Variants in LRRC28 observed in about 807,000 individuals in gnomAD.
The protein encoded by LRRC28 is leucine rich repeat containing 28, also known as leucine-rich repeat-containing protein 28.
A neutral mutation model predicts 45.7 loss-of-function variants in LRRC28; 39 were observed. The observed-to-expected ratio is 0.85, with a 90% confidence interval of 0.66 to 1.12. The LOEUF (loss-of-function observed/expected upper bound fraction) is 1.12, where lower values mean the gene tolerates loss of function less well. LRRC28 is among the 50% of genes most tolerant of loss of function. The pLI, the probability that LRRC28 is intolerant of heterozygous loss-of-function variation, is 0.00. For synonymous variants in LRRC28, 206 were observed against 178.8 expected (o/e 1.15, Z -1.22); for missense variants, 435 against 438.5 (o/e 0.99, Z 0.07).
At chr15:99,278,007 C>T (rs1365221641) in intron 3 of LRRC28, among the ~76,000 whole-genome samples, 2 of 151,996 alleles carry the variant, frequency 1.3e-5, no homozygotes, top group Admixed American at 6.6e-5. Flanking sequence ...TTGATTTTTG[C>T]GTGTTAACTT....
chr15:99,375,748 A>G (rs62025365), intron 9 of LRRC28, among the ~76,000 whole-genome samples: 23,526 of 152,092 alleles, frequency 0.15, 1,867 homozygotes, highest in African/African-American at 0.17. Context: ...CAGATTTATT[A>G]GTATAAAGTT....
intron 2 of LRRC28, among the ~76,000 whole-genome samples, chr15:99,263,210 TG>T (rs1449376502): frequency 2.7e-5 from 4 of 147,518 alleles, no homozygotes; most frequent in Non-Finnish European, 6.0e-5. Flanking sequence ...CCCAGCTACT[TG>T]GGGGGTCTGA....
At chr15:99,349,654 G>A (rs1956807843) in intron 6 of LRRC28, among the ~76,000 whole-genome samples, 1 of 152,108 alleles carries the variant, frequency 6.6e-6, no homozygotes, top group Admixed American at 6.5e-5. Flanking sequence ...CTGACAAACT[G>A]AGAGAAAGTA....
chr15:99,282,781 C>T (rs2081842267), intron 3 of LRRC28, among the ~76,000 whole-genome samples: 1 of 152,186 alleles, frequency 6.6e-6, no homozygotes, highest in Non-Finnish European at 1.5e-5. Context: ...CATTAAGTGG[C>T]ATGTGACTGT....
intron 6 of LRRC28, among the ~76,000 whole-genome samples, chr15:99,351,043 G>A (rs923743104): frequency 4.6e-5 from 7 of 152,052 alleles, no homozygotes; most frequent in Non-Finnish European, 7.4e-5. Context: ...CTAGCAATCC[G>A]CCTGTCTTGG....
chr15:99,284,157 T>C (rs1401762763), intron 3 of LRRC28, among the ~76,000 whole-genome samples: 1 of 152,252 alleles, frequency 6.6e-6, no homozygotes, highest in African/African-American at 2.4e-5. Context: ...TAATGGTTCT[T>C]AATCGGTTGT....
Position 99,328,805 on chromosome 15 carries a change from T to C in LRRC28, c.386-5118T>C, listed in dbSNP as rs143165877. ...ATTAAAATTCCAGGTTTGACATCCT[T>C]TGGGCTCCAGGATTTACACCAGCAG... On this transcript the variant is annotated intron_variant, in intron 5 of 9. Transcript: ENST00000301981. 3.2e-3 allele frequency among the ~76,000 whole-genome samples: 482 copies of C among 151,216 alleles called. 2 individuals carry two copies. Among genetic ancestry groups the C allele is most frequent in the African/African-American group, 0.011 (453 of 41,078 alleles).
chr15:99,366,517 A>G lies in LRRC28; in HGVS notation c.1031+3252A>G, dbSNP rs113289136. On this transcript the variant is annotated intron_variant, in intron 9 of 9. Coordinates refer to ENST00000301981, the MANE Select transcript of LRRC28 (RefSeq NM_144598.5). ...AGAAATTATTTTCCCATAGTTCTGG[A>G]GGAAAGAAGTCTGAAATCAAGGGGT... 3.9e-5 allele frequency among the ~76,000 whole-genome samples: 6 copies of G among 152,294 alleles called. 1 individual carries two copies. The highest frequency in any genetic ancestry group is 1.2e-4 in the African/African-American group (5 of 41,558).
intron 2 of LRRC28, chr15:99,258,744 C>T (rs1343460695): frequency 2.9e-6 from 2 of 699,582 alleles, no homozygotes; most frequent in Non-Finnish European, 5.5e-6. Context: ...CACTTTACTG[C>T]TGAAGGAGAA....
At chr15:99,352,815 T>A (rs766420718) in intron 7 of LRRC28, among the ~76,000 whole-genome samples, 4 of 152,232 alleles carry the variant, frequency 2.6e-5, no homozygotes, top group Non-Finnish European at 5.9e-5. Flanking sequence ...CATACCGTTA[T>A]AAACTCAGTG....
chr15:99,259,316 C>A, intron 2 of LRRC28: 1 of 1,271,286 alleles, frequency 7.9e-7, no homozygotes, highest in Non-Finnish European at 1.2e-6. Context: ...AGTTATTTAC[C>A]TCACAGAACC....
At position 99,322,683 on chromosome 15, in the gene LRRC28, G is replaced by A. The variant is rs192067834; in HGVS notation, c.386-11240G>A. Among the ~76,000 whole-genome samples, 141 of 152,182 alleles carry A rather than the reference G, an allele frequency of 9.3e-4. 2 individuals carry two copies. Among genetic ancestry groups the A allele is most frequent in the Admixed American group, 2.6e-3 (39 of 15,262 alleles). On this transcript the variant is annotated intron_variant, in intron 5 of 9. Coordinates refer to ENST00000301981, the MANE Select transcript of LRRC28 (RefSeq NM_144598.5). ...AAATTATCTTCAGACCCCCATTAGG[G>A]TCCAGATACCATTTTACAGCATATT...
At position 99,361,432 on chromosome 15, in the gene LRRC28, G is replaced by A. The variant is rs1957198540; in HGVS notation, c.792G>A (p.Gly264=). The part of the protein sequence containing the change: ...VFLPAEVKAI[G]TEHDHVLPLQ... ...TCCCAGCTGAGGTGAAGGCCATAGG[G>A]ACGGAGCATGATCACGTCCTCCCTC... The change falls in exon 8 of 10, where the codon GGG becomes GGA. Residue 264 remains glycine (G), a synonymous_variant. Coordinates refer to ENST00000301981, the MANE Select transcript of LRRC28 (RefSeq NM_144598.5). 2 of 1,613,878 alleles carry A rather than the reference G, an allele frequency of 1.2e-6. No individual in the cohort carries two copies. Among genetic ancestry groups the A allele is most frequent in the African/African-American group, 1.3e-5 (1 of 74,890 alleles).
intron 7 of LRRC28, among the ~76,000 whole-genome samples, chr15:99,357,675 C>G (rs1957084126): frequency 6.6e-6 from 1 of 151,984 alleles, no homozygotes; most frequent in African/African-American, 2.4e-5. Flanking sequence ...GACTTGTGTA[C>G]TTTTCTATAT....
At chr15:99,334,648 C>T (rs1956266502) in intron 6 of LRRC28, among the ~76,000 whole-genome samples, 1 of 152,050 alleles carries the variant, frequency 6.6e-6, no homozygotes, top group Admixed American at 6.6e-5. Flanking sequence ...ATATATTATC[C>T]ACTGTAGAGT....
At chr15:99,309,138 A>G (rs1421946889) in intron 5 of LRRC28, among the ~76,000 whole-genome samples, 1 of 152,182 alleles carries the variant, frequency 6.6e-6, no homozygotes, top group Non-Finnish European at 1.5e-5. Context: ...CCATGAGTAA[A>G]TATACTAATT....
rs568187511 is a variant in LRRC28, at chr15:99,319,969, A to AT, written c.386-13946dup. On this transcript the variant is annotated intron_variant, in intron 5 of 9. Coordinates refer to ENST00000301981, the MANE Select transcript of LRRC28 (RefSeq NM_144598.5). Reference sequence around the variant, plus strand: ...AGGTGGCCGCCACCACGCCCAGCTAATTTTTTTTGTACTTTTTAGTAGAGA... The same window carrying AT: ...AGGTGGCCGCCACCACGCCCAGCTAATTTTTTTTTGTACTTTTTAGTAGAGA... 5.9e-5 allele frequency among the ~76,000 whole-genome samples: 9 copies of AT among 151,468 alleles called. No individual in the cohort carries two copies. In the South Asian group the frequency reaches 1.7e-3, roughly 28 times the overall value.
At chr15:99,296,639 T>A (rs1317958774) in intron 5 of LRRC28, among the ~76,000 whole-genome samples, 1 of 152,228 alleles carries the variant, frequency 6.6e-6, no homozygotes, top group Non-Finnish European at 1.5e-5. Context: ...AGATTTTCTC[T>A]ATTTTGTGGG....
At chr15:99,334,277 A>G in intron 6 of LRRC28, 148 bp downstream of exon 6, 1 of 805,794 alleles carries the variant, frequency 1.2e-6, no homozygotes, top group Non-Finnish European at 1.9e-6. Flanking sequence ...ACAAAGCGTC[A>G]TTCCTAGCTA....
Sources: gnomAD v4.1 joint callset for allele counts (sites outside exome capture counted in the v4.1 genomes callset) on GRCh38, gnomAD v4.1.1 for gene constraint, MANE v1.5 for transcripts, NCBI Gene and HGNC (gene_info 2026-07-23, HGNC 2026-07-21) for gene names.